The following LRRTM4 variants were observed in gnomAD, a reference collection of about 807,000 sequenced individuals.
The protein encoded by LRRTM4 is leucine rich repeat transmembrane neuronal 4.
A neutral mutation model predicts 47.6 loss-of-function variants in LRRTM4; 25 were observed. The ratio of observed to expected loss-of-function variants is 0.53; its 90% CI spans 0.38 to 0.73. The LOEUF (loss-of-function observed/expected upper bound fraction) is 0.73, where lower values mean the gene tolerates loss of function less well. Ranked by LOEUF, LRRTM4 falls within the 30% of genes least tolerant of loss-of-function variation. The pLI is 0.00. For synonymous variants in LRRTM4, 311 were observed against 269.5 expected (o/e 1.15, Z -1.51); for missense variants, 638 against 713.4 (o/e 0.89, Z 1.20).
intron 3 of LRRTM4, among the ~76,000 whole-genome samples, chr2:76,773,359 TTCTC>T (rs1040416320): frequency 1.3e-5 from 2 of 152,366 alleles, no homozygotes; most frequent in East Asian, 3.9e-4. Flanking sequence ...TGTTTAATTT[TTCTC>T]TCTTATTGCA....
At chr2:77,336,465 C>A (rs1191354412) in intron 3 of LRRTM4, among the ~76,000 whole-genome samples, 1 of 151,982 alleles carries the variant, frequency 6.6e-6, no homozygotes, top group Non-Finnish European at 1.5e-5. Flanking sequence ...TGCAGGAATC[C>A]TCAACAGAAT....
intron 3 of LRRTM4, among the ~76,000 whole-genome samples, chr2:77,357,178 C>T (rs947763771): frequency 6.6e-6 from 1 of 151,990 alleles, no homozygotes; most frequent in East Asian, 1.9e-4. Context: ...AAATTTAAAT[C>T]GACTTCATTT....
intron 3 of LRRTM4, among the ~76,000 whole-genome samples, chr2:77,254,804 T>C (rs1007721248): frequency 6.6e-6 from 1 of 150,726 alleles, no homozygotes; most frequent in Non-Finnish European, 1.5e-5. Context: ...AAAAACACTA[T>C]TGATAAATAA....
intron 3 of LRRTM4, among the ~76,000 whole-genome samples, chr2:77,337,854 A>G (rs2104267856): frequency 6.6e-6 from 1 of 152,240 alleles, no homozygotes; most frequent in South Asian, 2.1e-4. Context: ...ACTTCAAACT[A>G]TACTACAAGG....
At chr2:76,819,542 T>C (rs1006987626) in intron 3 of LRRTM4, among the ~76,000 whole-genome samples, 1 of 151,870 alleles carries the variant, frequency 6.6e-6, no homozygotes, top group African/African-American at 2.4e-5. Context: ...GTACTTAATA[T>C]ATTGACAGAT....
chr2:76,975,262 G>A lies in LRRTM4; in HGVS notation c.1552-226346C>T, dbSNP rs116325752. Among the ~76,000 whole-genome samples the A allele has an allele frequency of 9.5e-3, 1,436 of 151,748 alleles. 20 individuals are homozygous for A. The highest frequency in any genetic ancestry group is 0.033 in the African/African-American group (1,357 of 41,486). ...TCTGTTTTTGCCATGCATGTGATGA[G>A]AAACAGGGCATCTTACTTCCTAATA... On this transcript the variant is annotated intron_variant, in intron 3 of 3. Transcript: ENST00000409884.
chr2:77,217,440 A>AATATATATATATATATATATTT (rs1674484822), intron 3 of LRRTM4, among the ~76,000 whole-genome samples: 22 of 76,794 alleles, frequency 2.9e-4, no homozygotes, highest in African/African-American at 1.4e-3. Flanking sequence ...CTCCAAATGA[A>AATATATATATATATATATATTT]ATATATATAT....
intron 3 of LRRTM4, among the ~76,000 whole-genome samples, chr2:77,062,676 T>C (rs546096635): frequency 1.3e-5 from 2 of 152,200 alleles, no homozygotes; most frequent in African/African-American, 4.8e-5. Context: ...TTTCTCTCTG[T>C]CTCTGTCTCT....
At chr2:77,390,037 T>G (rs1043579426) in intron 3 of LRRTM4, among the ~76,000 whole-genome samples, 1 of 152,130 alleles carries the variant, frequency 6.6e-6, no homozygotes, top group Non-Finnish European at 1.5e-5. Context: ...ATTCAGGACA[T>G]GTACTAAAGA....
intron 3 of LRRTM4, among the ~76,000 whole-genome samples, chr2:76,847,191 G>A (rs1327942862): frequency 1.3e-5 from 2 of 151,962 alleles, no homozygotes; most frequent in African/African-American, 4.8e-5. Flanking sequence ...TATATCTTTT[G>A]GTCATTCATC....
chr2:76,948,521 T>C (rs1353591105), intron 3 of LRRTM4, among the ~76,000 whole-genome samples: 1 of 151,830 alleles, frequency 6.6e-6, no homozygotes, highest in Non-Finnish European at 1.5e-5. Context: ...GTAGAATTGG[T>C]AAGAGTAATT....
intron 3 of LRRTM4, among the ~76,000 whole-genome samples, chr2:77,123,747 G>A (rs1015203785): frequency 2.4e-4 from 36 of 151,898 alleles, no homozygotes; most frequent in Non-Finnish European, 2.1e-4. Flanking sequence ...ATATTGGATG[G>A]CACTACAAAT....
At chr2:77,191,638 T>C (rs554289647) in intron 3 of LRRTM4, among the ~76,000 whole-genome samples, 9 of 152,042 alleles carry the variant, frequency 5.9e-5, no homozygotes, top group African/African-American at 2.2e-4. Context: ...TTAAAGAATA[T>C]GTAAAAAATG....
At chr2:77,349,975 A>G (rs1671698943) in intron 3 of LRRTM4, among the ~76,000 whole-genome samples, 1 of 152,144 alleles carries the variant, frequency 6.6e-6, no homozygotes, top group South Asian at 2.1e-4. Flanking sequence ...ATAAATGGGA[A>G]ATTTAACTTC....
intron 3 of LRRTM4, among the ~76,000 whole-genome samples, chr2:76,909,643 T>C (rs1673977085): frequency 6.6e-6 from 1 of 151,666 alleles, no homozygotes; most frequent in Non-Finnish European, 1.5e-5. Context: ...CAAACAAATT[T>C]ACAAGAAAAA....
At chr2:77,171,953 G>T (rs1205016167) in intron 3 of LRRTM4, among the ~76,000 whole-genome samples, 1 of 152,104 alleles carries the variant, frequency 6.6e-6, no homozygotes, top group Non-Finnish European at 1.5e-5. Flanking sequence ...AGTTATACAT[G>T]AATGAATCAT....
At chr2:77,002,135 T>C (rs926846643) in intron 3 of LRRTM4, among the ~76,000 whole-genome samples, 3 of 152,172 alleles carry the variant, frequency 2.0e-5, no homozygotes, top group African/African-American at 7.2e-5. Flanking sequence ...TCTCAAATAA[T>C]ATTGTGAGTC....
At chr2:77,409,279 A>C (rs1297273520) in intron 3 of LRRTM4, among the ~76,000 whole-genome samples, 2 of 152,146 alleles carry the variant, frequency 1.3e-5, no homozygotes, top group African/African-American at 4.8e-5. Flanking sequence ...GAGTTTGGGT[A>C]AAGTGTACAG....
At chr2:76,749,200 C>T (rs561068189) in intron 3 of LRRTM4, among the ~76,000 whole-genome samples, 1 of 152,122 alleles carries the variant, frequency 6.6e-6, no homozygotes, top group Non-Finnish European at 1.5e-5. Flanking sequence ...TAGAAACAAC[C>T]TAAATGCCCA....
Sources: gnomAD v4.1 joint callset for allele counts (sites outside exome capture counted in the v4.1 genomes callset) on GRCh38, gnomAD v4.1.1 for gene constraint, MANE v1.5 for transcripts, NCBI Gene and HGNC (gene_info 2026-07-23, HGNC 2026-07-21) for gene names.